The following ABCA13 variants were observed in gnomAD, a reference collection of about 807,000 sequenced individuals.
The protein encoded by ABCA13 is ATP binding cassette subfamily A member 13, also known as ATP-binding cassette sub-family A member 13.
A neutral mutation model predicts 478.7 loss-of-function variants in ABCA13; 476 were observed. The ratio of observed to expected loss-of-function variants is 0.99; its 90% CI spans 0.92 to 1.07. The LOEUF is 1.07. Among genes scored for constraint, ABCA13 ranks in the 50% least tolerant of loss-of-function variants. The probability of loss-of-function intolerance (pLI) is 0.00; values close to 1 mark genes in which losing one functional copy is unlikely to be tolerated. For missense variants in ABCA13, 6,060 were observed against 5,910.6 expected (o/e 1.03, Z -0.83); for synonymous variants, 2,252 against 2,158.9 (o/e 1.04, Z -1.20).
rs112291205 is a variant in ABCA13, at chr7:48,443,374, C to T, written c.12566-11663C>T. On this transcript the variant is annotated intron_variant, in intron 42 of 61. Transcript: ENST00000435803. ...AGATGGGGCTTTCTGTGTGTTCATG[C>T]CACTTGACTTGATCTAGTGTAAAAG... 7.1e-3 allele frequency among the ~76,000 whole-genome samples: 1,086 copies of T among 152,284 alleles called. 13 individuals are homozygous for T. Among genetic ancestry groups the T allele is most frequent in the African/African-American group, 0.025 (1,032 of 41,548 alleles).
chr7:48,541,196 A>G (rs1833922112), intron 55 of ABCA13, among the ~76,000 whole-genome samples: 2 of 152,106 alleles, frequency 1.3e-5, no homozygotes, highest in Admixed American at 1.3e-4. Flanking sequence ...ATGTTGTGAT[A>G]TTTACTTAAA....
chr7:48,347,870 C>A (rs1354837616), intron 29 of ABCA13, among the ~76,000 whole-genome samples: 2 of 152,218 alleles, frequency 1.3e-5, no homozygotes, highest in Admixed American at 1.3e-4. Context: ...GTGCCAGACA[C>A]AGTGTCAAGC....
intron 15 of ABCA13, among the ~76,000 whole-genome samples, chr7:48,250,514 A>G (rs1792389976): frequency 6.6e-6 from 1 of 152,198 alleles, no homozygotes; most frequent in African/African-American, 2.4e-5. Context: ...ATTAGCCTAC[A>G]AAAAGACACC....
In ABCA13 at chr7:48,647,247, TA is replaced by T. The variant is rs1320800669; in HGVS notation, c.*1737del. On this transcript the variant is annotated 3_prime_UTR_variant, in exon 62 of 62. Coordinates refer to ENST00000435803, the MANE Select transcript of ABCA13 (RefSeq NM_152701.5). ...TATACAAAAGATATTTTTTAAACGG[TA>T]AGGATTAAGACAATCACTGATAGCT... The T allele has an allele frequency of 6.6e-6, 1 of 152,244 alleles. No individual in the cohort carries two copies. Among genetic ancestry groups the T allele is most frequent in the Non-Finnish European group, 1.5e-5 (1 of 68,040 alleles). The allele number at this position is 152,244 out of a possible 1,614,324, so 9.4% of individuals were successfully genotyped here.
chr7:48,564,738 A>G (rs985536557), intron 55 of ABCA13, among the ~76,000 whole-genome samples: 1 of 152,022 alleles, frequency 6.6e-6, no homozygotes, highest in Non-Finnish European at 1.5e-5. Flanking sequence ...CTAAAGTTTA[A>G]AAACCTCCCT....
chr7:48,348,047 C>T (rs923232980), intron 29 of ABCA13, among the ~76,000 whole-genome samples: 15 of 152,306 alleles, frequency 9.8e-5, no homozygotes, highest in African/African-American at 2.6e-4. Context: ...GCCCAGTAGA[C>T]GGTGGAGATC....
intron 38 of ABCA13, among the ~76,000 whole-genome samples, chr7:48,396,676 G>C (rs1304533642): frequency 2.0e-5 from 3 of 152,176 alleles, no homozygotes; most frequent in Non-Finnish European, 2.9e-5. Context: ...CCCTCATTGG[G>C]GATTCCATGA....
At chr7:48,636,760 G>A (rs567746620) in intron 59 of ABCA13, among the ~76,000 whole-genome samples, 15 of 152,256 alleles carry the variant, frequency 9.9e-5, no homozygotes, top group Non-Finnish European at 1.9e-4. Context: ...GCCCCTCCCT[G>A]CATCCTCAGC....
At chr7:48,523,846 C>G (rs35600681) in intron 53 of ABCA13, among the ~76,000 whole-genome samples, 12,721 of 152,034 alleles carry the variant, frequency 0.084, 906 homozygotes, top group African/African-American at 0.2. Context: ...TACAATGTTT[C>G]AGTACTTTTA....
chr7:48,555,251 A>AT (rs953903721), intron 55 of ABCA13, among the ~76,000 whole-genome samples: 2 of 151,630 alleles, frequency 1.3e-5, no homozygotes, highest in Non-Finnish European at 2.9e-5. Flanking sequence ...GTTGTTGAGG[A>AT]TTTTTGCATC....
intron 42 of ABCA13, among the ~76,000 whole-genome samples, chr7:48,445,389 A>C (rs1389611243): frequency 6.6e-6 from 1 of 152,150 alleles, no homozygotes; most frequent in Non-Finnish European, 1.5e-5. Flanking sequence ...TCTGGGACTC[A>C]AATTCTGCTC....
chr7:48,191,217 G>A (rs941507880), intron 1 of ABCA13, among the ~76,000 whole-genome samples: 17 of 152,120 alleles, frequency 1.1e-4, no homozygotes, highest in Admixed American at 6.5e-4. Flanking sequence ...TCTCCTGAGC[G>A]TCCTTGACCT....
At chr7:48,625,545 C>T (rs1357027266) in intron 59 of ABCA13, among the ~76,000 whole-genome samples, 4 of 152,224 alleles carry the variant, frequency 2.6e-5, no homozygotes, top group African/African-American at 7.2e-5. Context: ...CCTCCATATC[C>T]TCAGCGTGTT....
intron 3 of ABCA13, among the ~76,000 whole-genome samples, chr7:48,206,544 T>C (rs1784946520): frequency 6.6e-6 from 1 of 152,222 alleles, no homozygotes; most frequent in Non-Finnish European, 1.5e-5. Flanking sequence ...TTCATTCCTT[T>C]TTATTTTTCC....
chr7:48,257,252 G>A (rs1793530666), intron 15 of ABCA13, among the ~76,000 whole-genome samples: 1 of 152,002 alleles, frequency 6.6e-6, no homozygotes, highest in Non-Finnish European at 1.5e-5. Context: ...AACTATCCCT[G>A]TTTGGAGACT....
At chr7:48,519,583 G>T (rs896236571) in intron 52 of ABCA13, among the ~76,000 whole-genome samples, 1 of 152,220 alleles carries the variant, frequency 6.6e-6, no homozygotes, top group Non-Finnish European at 1.5e-5. Flanking sequence ...CGAGGGGGAT[G>T]TGGGGGAGCA....
intron 52 of ABCA13, among the ~76,000 whole-genome samples, chr7:48,519,017 A>G (rs1413828976): frequency 1.3e-5 from 2 of 149,408 alleles, no homozygotes; most frequent in Non-Finnish European, 3.0e-5. Context: ...CCTTGTGTTC[A>G]TGCGTTCTCA....
At chr7:48,198,039 C>T (rs72557998) in intron 2 of ABCA13, among the ~76,000 whole-genome samples, 198 bp from the exon 3 acceptor site, 121 of 152,220 alleles carry the variant, frequency 7.9e-4, no homozygotes, top group African/African-American at 2.9e-3. Context: ...AGTACTGACC[C>T]TGGAAGAAAG....
chr7:48,625,785 A>G (rs1434000503), intron 59 of ABCA13, among the ~76,000 whole-genome samples: 1 of 152,202 alleles, frequency 6.6e-6, no homozygotes, highest in East Asian at 1.9e-4. Context: ...TTCATTTTTT[A>G]ATATTTTCTG....
Sources: gnomAD v4.1 joint callset for allele counts (sites outside exome capture counted in the v4.1 genomes callset) on GRCh38, gnomAD v4.1.1 for gene constraint, MANE v1.5 for transcripts, NCBI Gene and HGNC (gene_info 2026-07-23, HGNC 2026-07-21) for gene names.